The following DEPDC5 variants were observed in gnomAD, a reference collection of about 807,000 sequenced individuals.
The protein encoded by DEPDC5 is GATOR1 complex protein DEPDC5.
DEPDC5 carries 73 observed loss-of-function variants against 217.3 expected under a neutral mutation model. That is an observed-to-expected ratio of 0.34 (90% CI 0.28 to 0.41). The LOEUF (loss-of-function observed/expected upper bound fraction) is 0.41. Ranked by LOEUF, DEPDC5 falls within the 10% of genes least tolerant of loss-of-function variation. The pLI, the probability that DEPDC5 is intolerant of heterozygous loss-of-function variation, is 1.00. For synonymous variants in DEPDC5, 733 were observed against 756.7 expected (o/e 0.97, Z 0.51); for missense variants, 1,675 against 2,070.1 (o/e 0.81, Z 3.70).
intron 33 of DEPDC5, among the ~76,000 whole-genome samples, chr22:31,862,057 A>G (rs2092535416): frequency 6.6e-6 from 1 of 152,044 alleles, no homozygotes. Flanking sequence ...CAGCCTCAAC[A>G]TGGAGAAACC....
chr22:31,886,813 G>A (rs1602749005), intron 38 of DEPDC5, among the ~76,000 whole-genome samples: 2 of 148,090 alleles, frequency 1.4e-5, no homozygotes, highest in South Asian at 4.4e-4. Flanking sequence ...GTTCACGCCT[G>A]TAATCCCAGC....
At chr22:31,892,169 A>G (rs574276190) in intron 38 of DEPDC5, among the ~76,000 whole-genome samples, 1 of 152,272 alleles carries the variant, frequency 6.6e-6, no homozygotes, top group African/African-American at 2.4e-5. Context: ...AAATAAAAAG[A>G]TCTGGGGTTT....
chr22:31,813,265 C>A (rs1398751522), intron 20 of DEPDC5, among the ~76,000 whole-genome samples: 1 of 152,070 alleles, frequency 6.6e-6, no homozygotes, highest in African/African-American at 2.4e-5. Context: ...AGGGGCTTTT[C>A]TTTGTAGTCT....
intron 37 of DEPDC5, among the ~76,000 whole-genome samples, chr22:31,879,044 ATATATAT>A (rs1196346636): frequency 8.1e-5 from 6 of 74,462 alleles, no homozygotes; most frequent in Non-Finnish European, 1.2e-4. Flanking sequence ...AAAAAAAAAA[ATATATAT>A]ATATATATAT....
At chr22:31,878,455 G>GC (rs1025335301) in intron 37 of DEPDC5, among the ~76,000 whole-genome samples, 7 of 151,890 alleles carry the variant, frequency 4.6e-5, no homozygotes, top group African/African-American at 9.7e-5. Flanking sequence ...TATAATCCCA[G>GC]CGCCTTGGAA....
At chr22:31,818,921 C>T in intron 21 of DEPDC5, 101 bp from the exon 22 acceptor site, 1 of 1,203,566 alleles carries the variant, frequency 8.3e-7, no homozygotes, top group Non-Finnish European at 1.2e-6. Context: ...ATTTATAATG[C>T]CCAAGATTCT....
chr22:31,843,302 G>A, intron 28 of DEPDC5, 90 bp downstream of exon 28: 2 of 1,324,542 alleles, frequency 1.5e-6, no homozygotes, highest in Non-Finnish European at 2.1e-6. Flanking sequence ...TTCAAACTGA[G>A]GAAGTTCAGT....
intron 3 of DEPDC5, among the ~76,000 whole-genome samples, chr22:31,760,359 C>T (rs886458020): frequency 2.0e-5 from 3 of 152,064 alleles, no homozygotes; most frequent in Non-Finnish European, 2.9e-5. Context: ...TGAGCCACCA[C>T]ACCCGGCCTA....
At chr22:31,796,099 CT>C (rs60336012) in intron 12 of DEPDC5, among the ~76,000 whole-genome samples, 26,417 of 127,400 alleles carry the variant, frequency 0.21, 2,327 homozygotes, top group African/African-American at 0.38. Flanking sequence ...TCCACAGTAT[CT>C]TTTTTTTTTT....
intron 25 of DEPDC5, chr22:31,836,733 A>C (rs2091026277): frequency 2.0e-6 from 1 of 494,446 alleles, no homozygotes; most frequent in Non-Finnish European, 3.6e-6. Flanking sequence ...GAAAAATATC[A>C]GCTGTGAATC....
At chr22:31,822,363 C>A (rs776073805) in intron 23 of DEPDC5, among the ~76,000 whole-genome samples, 18 of 152,164 alleles carry the variant, frequency 1.2e-4, no homozygotes, top group Middle Eastern at 3.2e-3. Context: ...TCCATATATT[C>A]AAGCACCTCA....
chr22:31,798,594 A>G lies in DEPDC5; in HGVS notation c.884A>G (p.Gln295Arg), dbSNP rs773553986. 1.2e-6 allele frequency: 2 copies of G among 1,610,934 alleles called. No individual in the cohort carries two copies. The highest frequency in any genetic ancestry group is 2.2e-5 in the South Asian group (2 of 91,016). Residue 295 changes from glutamine to arginine, a missense_variant, in exon 14 of 43, where the codon CAA becomes CGA. Gln to Arg is a conservative substitution (Grantham distance 43, BLOSUM62 1). Coordinates refer to ENST00000651528, the MANE Select transcript of DEPDC5 (RefSeq NM_001242896.3). ...TATTTTGCTTCAGAGGGCTTTCCTCAAGGAGATAATTCTACCTCAGCACAA... is the reference window on the plus strand; with the variant it reads ...TATTTTGCTTCAGAGGGCTTTCCTCGAGGAGATAATTCTACCTCAGCACAA... ...VRLEQAEGFPQGDNSTSAQGN... is the reference protein window; with the variant it reads ...VRLEQAEGFPRGDNSTSAQGN...
chr22:31,787,524 A>C (rs2085127788), intron 10 of DEPDC5, among the ~76,000 whole-genome samples: 1 of 152,182 alleles, frequency 6.6e-6, no homozygotes, highest in Non-Finnish European at 1.5e-5. Context: ...GAAAGTAAAG[A>C]GGCCAGACCT....
In DEPDC5 at chr22:31,876,169, G is replaced by A. The variant is rs2092986144; in HGVS notation, c.3709G>A (p.Glu1237Lys). 6.2e-7 allele frequency: 1 copy of A among 1,614,050 alleles called. No individual in the cohort carries two copies. Among genetic ancestry groups the A allele is most frequent in the Non-Finnish European group, 8.5e-7 (1 of 1,180,006 alleles). ...AIDIMQKMLE[E>K]QLITHASGEA... ...ATGTCTCTCCTAGAAAATGCTGGAAGAGCAGCTCATCACACATGCATCTGG... is the reference window on the plus strand; with the variant it reads ...ATGTCTCTCCTAGAAAATGCTGGAAAAGCAGCTCATCACACATGCATCTGG... Residue 1237 changes from glutamate to lysine, a missense_variant, in exon 37 of 43, where the codon GAG becomes AAG. Physicochemically the swap from Glu to Lys is moderately conservative, Grantham distance 56 (BLOSUM62 1). Around this residue, in one of 11 missense-constraint regions of DEPDC5, gnomAD observed 194 missense variants for 199.3 expected, o/e 0.97. Coordinates refer to ENST00000651528, the MANE Select transcript of DEPDC5 (RefSeq NM_001242896.3).
chr22:31,811,364 C>G (rs746190211), intron 20 of DEPDC5, among the ~76,000 whole-genome samples: 12 of 152,188 alleles, frequency 7.9e-5, no homozygotes, highest in Non-Finnish European at 1.8e-4. Flanking sequence ...GCCACCATGC[C>G]TGGCTGGTTC....
Position 31,876,254 on chromosome 22 carries a change from AGCCCGACCGAG to A in DEPDC5, c.3796_3805+1del. ...TTCTACAAGATAGTAACGGACAAAG[AGCCCGACCGAG>A]GTTAGAGCCGAGGCGAATGCGGTTG... is the stretch of plus-strand genomic sequence containing the variant. On this transcript the variant is annotated frameshift_variant and splice_region_variant, in exon 37 of 43. Coordinates refer to ENST00000651528, the MANE Select transcript of DEPDC5 (RefSeq NM_001242896.3). LOFTEE classifies it high-confidence loss of function. 1 of 1,613,554 alleles carries A rather than the reference AGCCCGACCGAG, an allele frequency of 6.2e-7. No individual in the cohort carries two copies. The highest frequency in any genetic ancestry group is 1.1e-5 in the South Asian group (1 of 91,054).
rs1255336088 is a variant in DEPDC5 at position 31,888,288 on chromosome 22, C to T, written c.4034-5294C>T. Among the ~76,000 whole-genome samples the T allele has an allele frequency of 4.9e-5, 5 of 102,486 alleles. No individual in the cohort carries two copies. The South Asian group carries it at 1.5e-3, about 30-fold the overall frequency. The allele number at this position is 102,486 out of a possible 152,430, so 67.2% of individuals were successfully genotyped here. A position where few individuals can be genotyped will look rare whatever the true frequency, so the allele number is the denominator to read the frequency against. On this transcript the variant is annotated intron_variant, in intron 38 of 42. Coordinates refer to ENST00000651528, the MANE Select transcript of DEPDC5 (RefSeq NM_001242896.3). ...TTTTGGAGACGGAGTCTTGCTTTGTCGCCCAGGCTGGAGTGCAGTGGCGTG... is the reference window on the plus strand; with the variant it reads ...TTTTGGAGACGGAGTCTTGCTTTGTTGCCCAGGCTGGAGTGCAGTGGCGTG...
At chr22:31,815,789 A>G (rs954711100) in intron 21 of DEPDC5, 34 of 1,255,402 alleles carry the variant, frequency 2.7e-5, no homozygotes, top group Admixed American at 7.6e-5. Context: ...TTGGCCTCCA[A>G]AAGTGCTGAG....
chr22:31,756,183 G>C (rs1202040504), intron 2 of DEPDC5, among the ~76,000 whole-genome samples: 2 of 151,914 alleles, frequency 1.3e-5, no homozygotes, highest in East Asian at 3.9e-4. Flanking sequence ...GCGCTGGCAT[G>C]AGTCTTTTTA....
Sources: gnomAD v4.1 joint callset for allele counts (sites outside exome capture counted in the v4.1 genomes callset) on GRCh38, gnomAD v4.1.1 for gene constraint, gnomAD v4.1.1 regional missense constraint, MANE v1.5 for transcripts, NCBI Gene and HGNC (gene_info 2026-07-23, HGNC 2026-07-21) for gene names.